The following TCF4 variants were observed in gnomAD, a reference collection of about 807,000 sequenced individuals.
TCF4 encodes the protein SL3-3 enhancer factor 2.
Under a neutral mutation model 82.1 loss-of-function variants are expected in TCF4, and 3 were observed. The ratio of observed to expected loss-of-function variants is 0.04; its 90% CI spans 0.02 to 0.09. The LOEUF (loss-of-function observed/expected upper bound fraction) is 0.09. TCF4 is among the 10% of genes least tolerant of loss of function. The pLI is 1.00. For synonymous variants in TCF4, 276 were observed against 309.6 expected (o/e 0.89, Z 1.14); for missense variants, 518 against 852.7 (o/e 0.61, Z 4.89).
chr18:55,248,997 G>A (rs1332124942), intron 15 of TCF4, among the ~76,000 whole-genome samples: 3 of 152,034 alleles, frequency 2.0e-5, no homozygotes, highest in South Asian at 2.1e-4. Flanking sequence ...CACCCGCCTC[G>A]GCCTCCTAAA....
rs373310849 is a variant in TCF4 at position 55,329,003 on chromosome 18, G to A, written c.549+21356C>T. 6.6e-5 allele frequency among the ~76,000 whole-genome samples: 10 copies of A among 152,256 alleles called. No homozygotes were observed. In the East Asian group the frequency reaches 9.6e-4, roughly 15 times the overall value. On this transcript the variant is annotated intron_variant, in intron 8 of 19. Transcript: ENST00000354452. Reference sequence around the variant, plus strand: ...GAGCAATAGGACAACTTGCTAGGCAGAGAACAAACAATTGTCAAATACTTT... The same window carrying A: ...GAGCAATAGGACAACTTGCTAGGCAAAGAACAAACAATTGTCAAATACTTT...
At chr18:55,279,494 A>G in intron 9 of TCF4, 57 bp downstream of exon 9, 1 of 1,611,966 alleles carries the variant, frequency 6.2e-7, no homozygotes, top group Non-Finnish European at 8.5e-7. Flanking sequence ...TGTGACATTA[A>G]GTGACCCAGG....
At chr18:55,318,428 TCAGAAGTG>T (rs2074683090) in intron 8 of TCF4, among the ~76,000 whole-genome samples, 1 of 152,132 alleles carries the variant, frequency 6.6e-6, no homozygotes, top group Non-Finnish European at 1.5e-5. Flanking sequence ...GTTTCGTAGT[TCAGAAGTG>T]GTGCTTTAAT....
chr18:55,494,259 T>C (rs1467377116), intron 3 of TCF4, among the ~76,000 whole-genome samples: 1 of 127,116 alleles, frequency 7.9e-6, no homozygotes, highest in South Asian at 2.4e-4. Context: ...CTCCAACTAA[T>C]AAAGTAACCA....
At chr18:55,390,499 C>T (rs1200593600) in intron 6 of TCF4, among the ~76,000 whole-genome samples, 1 of 152,058 alleles carries the variant, frequency 6.6e-6, no homozygotes, top group Non-Finnish European at 1.5e-5. Context: ...TCTAAATGGT[C>T]TGATTGCTGG....
chr18:55,524,255 T>C (rs755045346), intron 3 of TCF4, among the ~76,000 whole-genome samples: 1 of 152,094 alleles, frequency 6.6e-6, no homozygotes, highest in Non-Finnish European at 1.5e-5. Flanking sequence ...CTCAGATATA[T>C]TGTTACTATA....
chr18:55,415,695 T>C (rs1246877228), intron 5 of TCF4, among the ~76,000 whole-genome samples: 1 of 152,220 alleles, frequency 6.6e-6, no homozygotes, highest in East Asian at 1.9e-4. Flanking sequence ...TGGAAAGTTG[T>C]TCATTAAAAA....
At chr18:55,295,042 A>C (rs2146728919) in intron 8 of TCF4, among the ~76,000 whole-genome samples, 1 of 152,328 alleles carries the variant, frequency 6.6e-6, no homozygotes, top group Non-Finnish European at 1.5e-5. Context: ...TGGATGGAGA[A>C]TCAAAAACAG....
At chr18:55,527,185 C>T (rs2096995026) in intron 3 of TCF4, among the ~76,000 whole-genome samples, 1 of 152,200 alleles carries the variant, frequency 6.6e-6, no homozygotes, top group Non-Finnish European at 1.5e-5. Flanking sequence ...CTCTAGCCCG[C>T]ATCCTTAAGG....
intron 10 of TCF4, 118 bp downstream of exon 10, chr18:55,275,501 G>T: frequency 7.8e-7 from 1 of 1,288,994 alleles, no homozygotes; most frequent in Non-Finnish European, 1.1e-6. Context: ...TAAGAATAAT[G>T]GGTGTGTGCC....
intron 8 of TCF4, among the ~76,000 whole-genome samples, chr18:55,280,753 C>T (rs937649090): frequency 2.0e-5 from 3 of 151,964 alleles, no homozygotes; most frequent in Non-Finnish European, 4.4e-5. Context: ...AAGGCAAGTG[C>T]AGGGTTACCA....
chr18:55,332,110 A>G (rs1225480942), intron 8 of TCF4: 3 of 152,146 alleles, frequency 2.0e-5, no homozygotes, highest in Non-Finnish European at 2.9e-5. Context: ...AGTCATCTTT[A>G]CTTATTTAAT....
intron 15 of TCF4, among the ~76,000 whole-genome samples, chr18:55,250,871 T>C (rs1356775250): frequency 6.6e-6 from 1 of 152,146 alleles, no homozygotes; most frequent in Non-Finnish European, 1.5e-5. Context: ...GATAAATATC[T>C]AGAAATGGTA....
chr18:55,325,842 T>G (rs2076459998), intron 8 of TCF4, among the ~76,000 whole-genome samples: 2 of 152,190 alleles, frequency 1.3e-5, no homozygotes, highest in Admixed American at 6.5e-5. Flanking sequence ...ATACAATGAT[T>G]ACATAACATA....
chr18:55,393,182 C>A (rs561743660), intron 6 of TCF4, among the ~76,000 whole-genome samples: 1 of 152,044 alleles, frequency 6.6e-6, no homozygotes. Flanking sequence ...TGGACAACAA[C>A]GTGAGACCCT....
At chr18:55,364,167 T>C (rs2086223412) in intron 6 of TCF4, among the ~76,000 whole-genome samples, 1 of 152,218 alleles carries the variant, frequency 6.6e-6, no homozygotes, top group African/African-American at 2.4e-5. Flanking sequence ...TAAAAGCATA[T>C]GCCTTCTGAC....
At chr18:55,390,991 C>A (rs1364345114) in intron 6 of TCF4, among the ~76,000 whole-genome samples, 12 of 152,170 alleles carry the variant, frequency 7.9e-5, no homozygotes, top group African/African-American at 2.9e-4. Context: ...GGAAGAAGTT[C>A]ATGTTAGTGC....
At chr18:55,352,626 T>C (rs2082549170) in intron 6 of TCF4, among the ~76,000 whole-genome samples, 2 of 152,188 alleles carry the variant, frequency 1.3e-5, no homozygotes, top group Non-Finnish European at 2.9e-5. Flanking sequence ...AAATCTGACA[T>C]CTGCATGCTC....
At chr18:55,585,615 C>G (rs1229764626) in intron 2 of TCF4, 1 of 596,572 alleles carries the variant, frequency 1.7e-6, no homozygotes, top group Non-Finnish European at 2.7e-6. Flanking sequence ...GGAACAAACA[C>G]AGTCCCCATA....
Sources: gnomAD v4.1 joint callset for allele counts (sites outside exome capture counted in the v4.1 genomes callset) on GRCh38, gnomAD v4.1.1 for gene constraint, MANE v1.5 for transcripts, NCBI Gene and HGNC (gene_info 2026-07-23, HGNC 2026-07-21) for gene names.